The following DPYD variants were observed in gnomAD, a reference collection of about 807,000 sequenced individuals.
DPYD encodes dihydropyrimidine dehydrogenase, also known as dihydropyrimidine dehydrogenase [NADP(+)].
In DPYD, 109 loss-of-function variants were observed where a neutral mutation model predicts 116.2. That is an observed-to-expected ratio of 0.94 (90% CI 0.80 to 1.10). The LOEUF (loss-of-function observed/expected upper bound fraction) is 1.10, where lower values mean the gene tolerates loss of function less well. DPYD is among the 50% of genes least tolerant of loss of function. The pLI is 0.00. For synonymous variants in DPYD, 440 were observed against 432.0 expected, an observed-to-expected ratio of 1.02 and a Z score of -0.23; for missense variants, 1,302 against 1,254.5, an observed-to-expected ratio of 1.04 and a Z score of -0.57.
chr1:97,427,534 A>G (rs1674938939), intron 14 of DPYD, among the ~76,000 whole-genome samples: 1 of 152,008 alleles, frequency 6.6e-6, no homozygotes, highest in African/African-American at 2.4e-5. Flanking sequence ...CTCTTACCCT[A>G]ATCTTCATGC....
chr1:97,479,746 A>G (rs536010572), intron 13 of DPYD, among the ~76,000 whole-genome samples: 1 of 152,342 alleles, frequency 6.6e-6, no homozygotes, highest in South Asian at 2.1e-4. Context: ...GAAACAAGGT[A>G]TGTTTGTGAG....
chr1:97,818,361 T>C (rs1218047030), intron 3 of DPYD, among the ~76,000 whole-genome samples: 1 of 152,046 alleles, frequency 6.6e-6, no homozygotes, highest in Non-Finnish European at 1.5e-5. Flanking sequence ...ATTAATTGTG[T>C]TAGCCTATTA....
chr1:97,079,716 G>A (rs1023286155), intron 22 of DPYD, among the ~76,000 whole-genome samples: 1 of 152,114 alleles, frequency 6.6e-6, no homozygotes, highest in African/African-American at 2.4e-5. Context: ...CACCACGAAG[G>A]GGAAAAACAC....
chr1:97,202,063 C>T (rs1422263143), intron 19 of DPYD, among the ~76,000 whole-genome samples: 3 of 152,092 alleles, frequency 2.0e-5, no homozygotes, highest in Admixed American at 6.6e-5. Flanking sequence ...ACTAAGAAAT[C>T]TGGCTTTGAG....
chr1:97,523,701 C>T (rs1020743083), intron 12 of DPYD, among the ~76,000 whole-genome samples: 1 of 152,022 alleles, frequency 6.6e-6, no homozygotes, highest in Admixed American at 6.6e-5. Flanking sequence ...TTTTGCCTTT[C>T]GTTTTTTGTT....
At chr1:97,829,453 AG>A (rs1272079991) in intron 2 of DPYD, among the ~76,000 whole-genome samples, 1 of 152,072 alleles carries the variant, frequency 6.6e-6, no homozygotes, top group Non-Finnish European at 1.5e-5. Flanking sequence ...TTTTTCAAAA[AG>A]TCCATTTTGG....
intron 16 of DPYD, among the ~76,000 whole-genome samples, chr1:97,353,162 C>A (rs1670238279): frequency 6.6e-6 from 1 of 152,154 alleles, no homozygotes; most frequent in Non-Finnish European, 1.5e-5. Context: ...TCTAACACCC[C>A]CGCTGTTCCT....
chr1:97,831,305 T>C (rs1213930254), intron 2 of DPYD, among the ~76,000 whole-genome samples: 2 of 152,176 alleles, frequency 1.3e-5, no homozygotes, highest in African/African-American at 4.8e-5. Context: ...GCATTAAATA[T>C]CCACTGAGTA....
chr1:97,845,010 C>T lies in DPYD; in HGVS notation c.151-16814G>A, dbSNP rs929480385. Among the ~76,000 whole-genome samples the T allele has an allele frequency of 3.9e-5, 6 of 152,298 alleles. No individual in the cohort carries two copies. In the South Asian group the frequency reaches 8.3e-4, roughly 21 times the overall value. On this transcript the variant is annotated intron_variant, in intron 2 of 22. Transcript: ENST00000370192. ...TTGTGCCCCTCTGGACTTTGGGTAC[C>T]GATGAACAACAGTGGAAAGCAGGGG...
At chr1:97,382,515 C>A in intron 14 of DPYD, 54 bp from the exon 15 acceptor site, 5 of 1,023,004 alleles carry the variant, frequency 4.9e-6, no homozygotes, top group East Asian at 2.7e-5. Flanking sequence ...CAGTTGTACA[C>A]AAAGATATAT....
At chr1:97,630,786 G>A (rs1657213060) in intron 8 of DPYD, among the ~76,000 whole-genome samples, 1 of 152,058 alleles carries the variant, frequency 6.6e-6, no homozygotes, top group Non-Finnish European at 1.5e-5. Flanking sequence ...TCTATAATAG[G>A]AAGGGATAAG....
intron 11 of DPYD, among the ~76,000 whole-genome samples, chr1:97,554,967 A>T (rs1372499321): frequency 2.6e-5 from 4 of 151,856 alleles, no homozygotes; most frequent in Admixed American, 6.6e-5. Context: ...TGACATGGTT[A>T]TCTTTTCTCA....
rs1665917979 is a variant in DPYD, at chr1:97,767,336, AC to A, written c.234-26858del. ...TTTTTTACCCTTCCCTGTATTCATA[AC>A]CTTTGCAATGGGACTTTGCAGCTCT... On this transcript the variant is annotated intron_variant, in intron 3 of 22. Transcript: ENST00000370192. Among the ~76,000 whole-genome samples, 4 of 152,244 alleles carry A rather than the reference AC, an allele frequency of 2.6e-5. No individual in the cohort carries two copies. In the South Asian group the frequency reaches 8.3e-4, roughly 32 times the overall value.
intron 3 of DPYD, among the ~76,000 whole-genome samples, chr1:97,748,695 C>A (rs1198417767): frequency 3.3e-5 from 5 of 152,146 alleles, no homozygotes; most frequent in Non-Finnish European, 7.3e-5. Context: ...AGTGCTCATA[C>A]GCGTTTAAGA....
At chr1:97,397,983 A>T (rs1673110007) in intron 14 of DPYD, among the ~76,000 whole-genome samples, 1 of 151,934 alleles carries the variant, frequency 6.6e-6, no homozygotes, top group Non-Finnish European at 1.5e-5. Flanking sequence ...TTTAGGATAC[A>T]TGTGCACAAT....
chr1:97,553,957 T>G (rs1335510815), intron 11 of DPYD, among the ~76,000 whole-genome samples: 1 of 150,992 alleles, frequency 6.6e-6, no homozygotes, highest in South Asian at 2.1e-4. Flanking sequence ...TTATGTTAAT[T>G]TTCTGCTTTA....
At chr1:97,431,828 C>A (rs528858091) in intron 14 of DPYD, among the ~76,000 whole-genome samples, 2 of 152,076 alleles carry the variant, frequency 1.3e-5, no homozygotes, top group Admixed American at 6.5e-5. Context: ...ATTTTTGTAA[C>A]CATTAACCAA....
chr1:97,642,152 A>G (rs1160040435), intron 8 of DPYD, among the ~76,000 whole-genome samples: 1 of 152,168 alleles, frequency 6.6e-6, no homozygotes, highest in African/African-American at 2.4e-5. Flanking sequence ...AAGAATCAAT[A>G]TGGTGAAAAT....
At chr1:97,607,501 T>C (rs2100739612) in intron 8 of DPYD, among the ~76,000 whole-genome samples, 1 of 151,970 alleles carries the variant, frequency 6.6e-6, no homozygotes, top group Middle Eastern at 3.4e-3. Flanking sequence ...TAAACAGATT[T>C]GAAAATTGTT....
Sources: gnomAD v4.1 joint callset for allele counts (sites outside exome capture counted in the v4.1 genomes callset) on GRCh38, gnomAD v4.1.1 for gene constraint, MANE v1.5 for transcripts, NCBI Gene and HGNC (gene_info 2026-07-23, HGNC 2026-07-21) for gene names.